ESRRG: variants seen among roughly 807,000 people sequenced by gnomAD.
The protein encoded by ESRRG is estrogen-related receptor gamma.
ESRRG carries 13 observed loss-of-function variants against 44.0 expected under a neutral mutation model. That is an observed-to-expected ratio of 0.30 (90% confidence interval 0.19 to 0.47). The LOEUF (loss-of-function observed/expected upper bound fraction) is 0.47, where lower values mean the gene tolerates loss of function less well. ESRRG is among the 20% of genes least tolerant of loss of function. The pLI, the probability that ESRRG is intolerant of heterozygous loss-of-function variation, is 1.00. For missense variants in ESRRG, 395 were observed against 580.6 expected, an observed-to-expected ratio of 0.68 and a Z score of 3.29; for synonymous variants, 215 against 214.6, an observed-to-expected ratio of 1.00 and a Z score of -0.02.
intron 5 of ESRRG, among the ~76,000 whole-genome samples, chr1:216,520,904 C>T (rs543252460): frequency 1.2e-4 from 18 of 152,146 alleles, no homozygotes; most frequent in Non-Finnish European, 2.5e-4. Context: ...TTGTGGGTAT[C>T]CCATATGATA....
At chr1:216,561,897 A>T (rs1216717655) in intron 5 of ESRRG, among the ~76,000 whole-genome samples, 1 of 152,172 alleles carries the variant, frequency 6.6e-6, no homozygotes, top group Non-Finnish European at 1.5e-5. Context: ...TCTAAGCCTC[A>T]GCTTAAGACT....
At chr1:217,121,941 G>C (rs918169428) in intron 1 of ESRRG, among the ~76,000 whole-genome samples, 1 of 152,172 alleles carries the variant, frequency 6.6e-6, no homozygotes, top group Non-Finnish European at 1.5e-5. Flanking sequence ...GCAGAAGAAG[G>C]CAACCTCTGT....
chr1:216,675,414 A>G (rs1358639968), intron 2 of ESRRG, among the ~76,000 whole-genome samples: 2 of 152,162 alleles, frequency 1.3e-5, no homozygotes, highest in Non-Finnish European at 2.9e-5. Flanking sequence ...GTACACATAA[A>G]GGGTTTCAGA....
At chr1:216,517,804 A>G (rs989502841) in intron 6 of ESRRG, among the ~76,000 whole-genome samples, 1 of 152,134 alleles carries the variant, frequency 6.6e-6, no homozygotes, top group Non-Finnish European at 1.5e-5. Context: ...AAGAAATCAT[A>G]TTTTATAATT....
intron 2 of ESRRG, among the ~76,000 whole-genome samples, chr1:216,822,084 G>A (rs1355912708): frequency 1.3e-5 from 2 of 151,972 alleles, no homozygotes; most frequent in Admixed American, 6.6e-5. Flanking sequence ...TCTCAGATTG[G>A]GACCTTCTAC....
chr1:216,815,345 G>C (rs1206425376), intron 2 of ESRRG, among the ~76,000 whole-genome samples: 3 of 152,188 alleles, frequency 2.0e-5, no homozygotes, highest in Non-Finnish European at 4.4e-5. Flanking sequence ...TAAGGTAACT[G>C]AGGTACAGAG....
At chr1:216,991,534 C>T (rs1269497573) in intron 1 of ESRRG, among the ~76,000 whole-genome samples, 1 of 151,520 alleles carries the variant, frequency 6.6e-6, no homozygotes, top group African/African-American at 2.4e-5. Flanking sequence ...GGGGAAATAG[C>T]TAATTGATAA....
intron 2 of ESRRG, among the ~76,000 whole-genome samples, chr1:216,837,192 G>A (rs550526691): frequency 2.6e-5 from 4 of 151,808 alleles, no homozygotes; most frequent in Admixed American, 2.0e-4. Context: ...GGCAGATCAC[G>A]AGGTCAGGAG....
At chr1:216,543,223 G>A (rs2053436099) in intron 5 of ESRRG, among the ~76,000 whole-genome samples, 1 of 151,990 alleles carries the variant, frequency 6.6e-6, no homozygotes. Context: ...TAAATCCATG[G>A]AATGACACTA....
At chr1:216,882,433 T>A (rs996483677) in intron 2 of ESRRG, among the ~76,000 whole-genome samples, 31 of 151,926 alleles carry the variant, frequency 2.0e-4, no homozygotes, top group African/African-American at 7.3e-4. Flanking sequence ...AATGAAGTAA[T>A]GAAAAAAGGA....
intron 1 of ESRRG, among the ~76,000 whole-genome samples, chr1:217,038,856 C>T (rs146286279): frequency 0.025 from 3,820 of 152,316 alleles, 168 homozygotes; most frequent in African/African-American, 0.087. Context: ...TGTCAGGCTG[C>T]AAATTTTCTG....
At chr1:217,030,147 CTCTTTCTCTTTT>C (rs1401312648) in intron 1 of ESRRG, among the ~76,000 whole-genome samples, 1 of 152,050 alleles carries the variant, frequency 6.6e-6, no homozygotes, top group Admixed American at 6.6e-5. Flanking sequence ...CTTTCCCTTT[CTCTTTCTCTTTT>C]TCTTTCTCTT....
At chr1:216,716,729 G>A (rs914305693) in intron 1 of ESRRG, among the ~76,000 whole-genome samples, 3 of 151,746 alleles carry the variant, frequency 2.0e-5, no homozygotes, top group African/African-American at 7.3e-5. Flanking sequence ...TCTGAAGTAG[G>A]CTCCCTGTAA....
chr1:216,562,776 C>T (rs1398742492), intron 5 of ESRRG, among the ~76,000 whole-genome samples: 1 of 151,960 alleles, frequency 6.6e-6, no homozygotes. Context: ...TATCAATCAC[C>T]TAAAAAAGTG....
At chr1:217,015,080 A>G in intron 1 of ESRRG, among the ~76,000 whole-genome samples, 1 of 152,182 alleles carries the variant, frequency 6.6e-6, no homozygotes, top group East Asian at 1.9e-4. Flanking sequence ...TCAGCTTTCT[A>G]TGAACCCGAA....
intron 2 of ESRRG, among the ~76,000 whole-genome samples, chr1:216,920,379 T>C (rs909237008): frequency 4.0e-5 from 5 of 123,574 alleles, no homozygotes; most frequent in Non-Finnish European, 1.7e-5. Context: ...TGTGAATGTA[T>C]GGGAGTGTGT....
intron 3 of ESRRG, among the ~76,000 whole-genome samples, chr1:216,623,077 CTTT>C (rs370657704): frequency 2.3e-5 from 2 of 88,660 alleles, no homozygotes; most frequent in African/African-American, 9.0e-5. Context: ...AATCATTAAA[CTTT>C]TTTTTTTTTT....
At chr1:217,019,838 A>C (rs2080017684) in intron 1 of ESRRG, among the ~76,000 whole-genome samples, 1 of 152,212 alleles carries the variant, frequency 6.6e-6, no homozygotes, top group Non-Finnish European at 1.5e-5. Context: ...TGTTTATTGA[A>C]CAAAACTAAA....
intron 2 of ESRRG, among the ~76,000 whole-genome samples, chr1:216,785,329 TAGG>T (rs776427980): frequency 1.2e-4 from 18 of 152,050 alleles, no homozygotes; most frequent in Non-Finnish European, 2.4e-4. Context: ...TCTTTCTCTT[TAGG>T]AGGAGAGGAG....
Sources: allele counts gnomAD v4.1 joint callset (sites outside exome capture counted in the v4.1 genomes callset), GRCh38; gene constraint gnomAD v4.1.1; transcripts MANE v1.5; gene names NCBI Gene and HGNC (gene_info 2026-07-23, HGNC 2026-07-21).